WAC: variants seen among roughly 807,000 people sequenced by gnomAD.
The protein encoded by WAC is WW domain-containing adapter protein with coiled-coil.
Under a neutral mutation model 79.6 loss-of-function variants are expected in WAC, and 11 were observed. The ratio of observed to expected loss-of-function variants is 0.14; its 90% CI spans 0.09 to 0.23. The LOEUF is 0.23. WAC is among the 10% of genes least tolerant of loss of function. The pLI is 1.00. For missense variants in WAC, 728 were observed against 773.5 expected (o/e 0.94, Z 0.70); for synonymous variants, 304 against 276.9 (o/e 1.10, Z -0.97).
intron 1 of WAC, 148 bp downstream of exon 1, chr10:28,533,768 G>C (rs1042274282): frequency 1.2e-5 from 12 of 1,026,346 alleles, no homozygotes; most frequent in African/African-American, 3.4e-5. Flanking sequence ...CCGCGCGGGC[G>C]GGCGGGCGGG....
In WAC at chr10:28,575,818, C is replaced by T. The variant is rs80083481; in HGVS notation, c.275-7581C>T. Among the ~76,000 whole-genome samples, 775 of 152,308 alleles carry T rather than the reference C, an allele frequency of 5.1e-3. 23 individuals carry two copies. The East Asian group carries it at 0.08, about 16-fold the overall frequency. Reference sequence around the variant, plus strand: ...CACAACTCAGTTTCATTCTTTTGCACGTGCCGCCTCCCATTTTAAAACTCT... The same window carrying T: ...CACAACTCAGTTTCATTCTTTTGCATGTGCCGCCTCCCATTTTAAAACTCT... On this transcript the variant is annotated intron_variant, in intron 3 of 13. Coordinates refer to ENST00000354911, the MANE Select transcript of WAC (RefSeq NM_016628.5).
chr10:28,596,158 T>G (rs984989980), intron 7 of WAC, 117 bp downstream of exon 7: 2 of 1,130,486 alleles, frequency 1.8e-6, no homozygotes, highest in Non-Finnish European at 2.4e-6. Flanking sequence ...AAAAAAGTCT[T>G]TTAGAATGTT....
At chr10:28,600,309 A>G (rs73609827) in intron 7 of WAC, among the ~76,000 whole-genome samples, 371 of 152,178 alleles carry the variant, frequency 2.4e-3, no homozygotes, top group African/African-American at 8.7e-3. Flanking sequence ...CTTGAAGTAA[A>G]ATTTCCTTCT....
In WAC at chr10:28,617,690, G is replaced by C; in HGVS notation, c.1780G>C (p.Gly594Arg). The C allele has an allele frequency of 6.3e-7, 1 of 1,591,724 alleles. No individual in the cohort carries two copies. Among genetic ancestry groups the C allele is most frequent in the South Asian group, 1.2e-5 (1 of 83,476 alleles). Residue 594 changes from glycine to arginine, a missense_variant, in exon 13 of 14, where the codon GGA becomes CGA. By Grantham distance (125) the Gly-to-Arg change is moderately radical. This residue lies in a region of WAC where 66 missense variants were observed against 78.9 expected (regional missense o/e 0.84). Transcript: ENST00000354911. ...SRLREEAHNM[G>R]TIHMSEICTE... ...ATTACGCGAAGAAGCGCATAACATG[G>C]GAACTATTCACATGTCCGAAATTTG... is the stretch of plus-strand genomic sequence containing the variant.
Position 28,621,078 on chromosome 10 carries a change from A to G in WAC, c.*1472A>G, listed in dbSNP as rs1221914260. On this transcript the variant is annotated 3_prime_UTR_variant, in exon 14 of 14. Coordinates refer to ENST00000354911, the MANE Select transcript of WAC (RefSeq NM_016628.5). Reference sequence around the variant, plus strand: ...CACTGCCAGTAATGTATCAAATCACAAGGGTTTCCGCATGAAAAAAATCTT... The same window carrying G: ...CACTGCCAGTAATGTATCAAATCACGAGGGTTTCCGCATGAAAAAAATCTT... 6.6e-6 allele frequency: 1 copy of G among 152,076 alleles called. No homozygotes were observed. Among genetic ancestry groups the G allele is most frequent in the African/African-American group, 2.4e-5 (1 of 41,418 alleles). 9.4% of individuals were successfully genotyped at this position (152,076 alleles called of 1,614,324 possible). A position where few individuals can be genotyped will look rare whatever the true frequency, so the allele number is the denominator to read the frequency against.
chr10:28,613,049 A>T (rs1415872787), intron 10 of WAC, among the ~76,000 whole-genome samples: 1 of 152,138 alleles, frequency 6.6e-6, no homozygotes, highest in Non-Finnish European at 1.5e-5. Flanking sequence ...TAGGAGGCCA[A>T]GGCAGGAGGA....
intron 3 of WAC, among the ~76,000 whole-genome samples, chr10:28,573,629 A>G (rs561132638): frequency 6.6e-6 from 1 of 152,318 alleles, no homozygotes; most frequent in South Asian, 2.1e-4. Context: ...TGAGAACTGA[A>G]GAATTAAGGA....
At chr10:28,537,001 C>G (rs572043899) in intron 3 of WAC, among the ~76,000 whole-genome samples, 1 of 152,168 alleles carries the variant, frequency 6.6e-6, no homozygotes, top group Admixed American at 6.5e-5. Flanking sequence ...TTTTGTCCAC[C>G]TAGGATAGAA....
At chr10:28,565,143 CA>C (rs775650952) in intron 3 of WAC, among the ~76,000 whole-genome samples, 1 of 152,104 alleles carries the variant, frequency 6.6e-6, no homozygotes, top group Non-Finnish European at 1.5e-5. Context: ...GAAAACCATC[CA>C]AGTTGTTATA....
rs34089783 is a variant in WAC at position 28,595,420 on chromosome 10, AT to A, written c.611-301del. Among the ~76,000 whole-genome samples the A allele has an allele frequency of 4.3e-3, 645 of 149,000 alleles. 4 individuals are homozygous for A. The highest frequency in any genetic ancestry group is 0.038 in the East Asian group (191 of 5,076). On this transcript the variant is annotated intron_variant, in intron 6 of 13. Transcript: ENST00000354911. The stretch of plus-strand genomic sequence containing the variant: ...TAAGATATTATAACTCCATATGTTG[AT>A]TTTTTTTTTTTGTGTTTTGTTTGAA...
intron 7 of WAC, among the ~76,000 whole-genome samples, chr10:28,600,846 A>T (rs1840607110): frequency 6.6e-6 from 1 of 152,154 alleles, no homozygotes; most frequent in Admixed American, 6.6e-5. Flanking sequence ...AAAAAGATAC[A>T]TACAAAGCAG....
chr10:28,561,301 C>A (rs928160566), intron 3 of WAC, among the ~76,000 whole-genome samples: 1 of 152,164 alleles, frequency 6.6e-6, no homozygotes, highest in Non-Finnish European at 1.5e-5. Context: ...CACTCAATTA[C>A]ACATAAAGGA....
intron 3 of WAC, among the ~76,000 whole-genome samples, chr10:28,575,024 C>G (rs1201562328): frequency 6.6e-6 from 1 of 152,092 alleles, no homozygotes; most frequent in African/African-American, 2.4e-5. Context: ...TGTTGATGTT[C>G]TGTTTAACCC....
chr10:28,610,887 T>C, intron 9 of WAC, 66 bp downstream of exon 9: 12 of 1,445,688 alleles, frequency 8.3e-6, no homozygotes, highest in Non-Finnish European at 1.0e-5. Context: ...TTAATAGCCC[T>C]TTTTTGTATT....
intron 3 of WAC, among the ~76,000 whole-genome samples, chr10:28,539,971 A>G (rs984055738): frequency 4.6e-5 from 7 of 152,200 alleles, no homozygotes; most frequent in African/African-American, 1.4e-4. Flanking sequence ...TGAAGGAATT[A>G]GTAGGGATTA....
rs142892376 is a variant in WAC at position 28,549,565 on chromosome 10, A to G, written c.274+13808A>G. On this transcript the variant is annotated intron_variant, in intron 3 of 13. Coordinates refer to ENST00000354911, the MANE Select transcript of WAC (RefSeq NM_016628.5). ...TCATTGCCCTGTTTTAAAATATTGC[A>G]ATATCTTGTTTACAGACCTGTTGTC... Among the ~76,000 whole-genome samples, 18 of 152,200 alleles carry G rather than the reference A, an allele frequency of 1.2e-4. 1 individual carries two copies. In the South Asian group the frequency reaches 3.1e-3, roughly 26 times the overall value.
chr10:28,573,705 A>G (rs1839096498), intron 3 of WAC, among the ~76,000 whole-genome samples: 1 of 152,154 alleles, frequency 6.6e-6, no homozygotes, highest in Admixed American at 6.6e-5. Flanking sequence ...TGGGGGCGTA[A>G]GTTTTATTTA....
chr10:28,552,298 T>C (rs1181799332), intron 3 of WAC, among the ~76,000 whole-genome samples: 3 of 152,216 alleles, frequency 2.0e-5, no homozygotes, highest in Non-Finnish European at 4.4e-5. Context: ...ATGGTTTTTC[T>C]TCTGCCTAGG....
At chr10:28,545,459 A>G (rs1837301794) in intron 3 of WAC, among the ~76,000 whole-genome samples, 1 of 152,178 alleles carries the variant, frequency 6.6e-6, no homozygotes, top group Non-Finnish European at 1.5e-5. Context: ...CACCCTGGGC[A>G]ACAAGAGCGA....
Sources: allele counts gnomAD v4.1 joint callset (sites outside exome capture counted in the v4.1 genomes callset), GRCh38; gene constraint gnomAD v4.1.1; regional missense constraint gnomAD v4.1.1; transcripts MANE v1.5; gene names NCBI Gene and HGNC (gene_info 2026-07-23, HGNC 2026-07-21).